The following EXOC5 variants were observed in gnomAD, a reference collection of about 807,000 sequenced individuals.
EXOC5 encodes the protein exocyst complex component 5.
EXOC5 carries 17 observed loss-of-function variants against 90.8 expected under a neutral mutation model. The observed-to-expected ratio is 0.19, with a 90% CI of 0.13 to 0.28. The LOEUF (loss-of-function observed/expected upper bound fraction) is 0.28, where lower values mean the gene tolerates loss of function less well. Among genes scored for constraint, EXOC5 ranks in the 10% least tolerant of loss-of-function variants. The probability of loss-of-function intolerance (pLI) is 1.00; values close to 1 mark genes in which losing one functional copy is unlikely to be tolerated. For missense variants in EXOC5, 569 were observed against 830.6 expected (o/e 0.69, Z 3.87); for synonymous variants, 260 against 270.0 (o/e 0.96, Z 0.36).
At chr14:57,254,921 G>C (rs558951287) in intron 1 of EXOC5, among the ~76,000 whole-genome samples, 4 of 152,282 alleles carry the variant, frequency 2.6e-5, no homozygotes, top group Non-Finnish European at 5.9e-5. Flanking sequence ...AATTTCTGTT[G>C]TTGAAGCCAT....
intron 6 of EXOC5, among the ~76,000 whole-genome samples, chr14:57,236,582 G>A (rs148506214): frequency 4.6e-5 from 7 of 152,084 alleles, no homozygotes; most frequent in African/African-American, 1.2e-4. Context: ...CACCATGTCC[G>A]GCCCTATTCA....
chr14:57,228,765 T>C (rs540906287), intron 12 of EXOC5, among the ~76,000 whole-genome samples: 2 of 150,780 alleles, frequency 1.3e-5, no homozygotes, highest in African/African-American at 4.9e-5. Context: ...AGATGAGGAG[T>C]TGATGGGTGC....
rs34662135 is a variant in EXOC5 at position 57,225,589 on chromosome 14, C to CA, written c.1297-3174dup. On this transcript the variant is annotated intron_variant, in intron 12 of 17. Transcript: ENST00000621441. The stretch of plus-strand genomic sequence containing the variant: ...TACACAGAAAAGCCAGTGGAATCTA[C>CA]AAAAAAAAAAAAAAGGCAAATAGAA... 7.8e-3 allele frequency among the ~76,000 whole-genome samples: 800 copies of CA among 102,706 alleles called. 4 individuals are homozygous for CA. Among genetic ancestry groups the CA allele is most frequent in the Middle Eastern group, 0.036 (6 of 168 alleles). 67.4% of individuals were successfully genotyped at this position (102,706 alleles called of 152,430 possible). A position where few individuals can be genotyped will look rare whatever the true frequency, so the allele number is the denominator to read the frequency against.
At chr14:57,246,903 A>G (rs1884048507) in intron 2 of EXOC5, 45 bp from the exon 3 acceptor site, 1 of 1,183,688 alleles carries the variant, frequency 8.4e-7, no homozygotes, top group Non-Finnish European at 1.2e-6. Context: ...CCTATTATTA[A>G]TCCTTAGGAA....
At chr14:57,259,434 TATCTTGTACCACCTACCC>T (rs1188439634) in intron 1 of EXOC5, among the ~76,000 whole-genome samples, 1 of 152,174 alleles carries the variant, frequency 6.6e-6, no homozygotes, top group Admixed American at 6.5e-5. Flanking sequence ...TTAGGGTTCT[TATCTTGTACCACCTACCC>T]AAATTTCTCT....
At chr14:57,215,749 T>C (rs1382729412) in intron 15 of EXOC5, among the ~76,000 whole-genome samples, 1 of 152,202 alleles carries the variant, frequency 6.6e-6, no homozygotes, top group Non-Finnish European at 1.5e-5. Context: ...CTCAAAGCTT[T>C]TCCTCTAACA....
At position 57,229,849 on chromosome 14, in the gene EXOC5, C is replaced by A; in HGVS notation, c.1181G>T (p.Arg394Leu). The change falls in exon 12 of 18, where the codon CGT becomes CTT. Residue 394 changes from arginine to leucine, a missense_variant. Arg to Leu is a moderately radical substitution (Grantham distance 102). This residue lies in a region of EXOC5 where 69 missense variants were observed against 115.5 expected (regional missense o/e 0.60). Coordinates refer to ENST00000621441, the MANE Select transcript of EXOC5 (RefSeq NM_006544.4). ...IQDLKERIRQ[R>L]TNLPLGPSID... ...ACTTGGCCCAAGTGGTAAGTTGGTA[C>A]GCTGTCTAATTCTTTCCTTCAAATC... is the stretch of plus-strand genomic sequence containing the variant. 1.3e-6 allele frequency: 2 copies of A among 1,507,786 alleles called. No individual in the cohort carries two copies. Among genetic ancestry groups the A allele is most frequent in the South Asian group, 1.3e-5 (1 of 76,764 alleles). 93.4% of individuals were successfully genotyped at this position (1,507,786 alleles called of 1,614,324 possible). A position where few individuals can be genotyped will look rare whatever the true frequency, so the allele number is the denominator to read the frequency against.
intron 4 of EXOC5, among the ~76,000 whole-genome samples, chr14:57,240,502 G>C (rs570653886): frequency 4.3e-4 from 65 of 152,032 alleles, no homozygotes; most frequent in African/African-American, 1.5e-3. Flanking sequence ...GGCTGGTCTT[G>C]AACTCCTGAC....
intron 1 of EXOC5, among the ~76,000 whole-genome samples, chr14:57,261,109 A>C (rs1884491150): frequency 6.6e-6 from 1 of 152,216 alleles, no homozygotes; most frequent in South Asian, 2.1e-4. Flanking sequence ...AGTTTTAAAA[A>C]TATATATATA....
chr14:57,261,027 GAT>G (rs1884489213), intron 1 of EXOC5, among the ~76,000 whole-genome samples: 1 of 152,108 alleles, frequency 6.6e-6, no homozygotes, highest in Non-Finnish European at 1.5e-5. Context: ...AATAAGCAAA[GAT>G]ATGTAAATAA....
chr14:57,202,275 C>A lies in EXOC5; in HGVS notation c.*6334G>T, dbSNP rs1423526385. On this transcript the variant is annotated 3_prime_UTR_variant, in exon 18 of 18. Coordinates refer to ENST00000621441, the MANE Select transcript of EXOC5 (RefSeq NM_006544.4). Reference sequence around the variant, plus strand: ...ATGAATGAGACTAGAGCCACTACAACCTAAAGCAATACATGATTTTGAACT... The same window carrying A: ...ATGAATGAGACTAGAGCCACTACAAACTAAAGCAATACATGATTTTGAACT... 2.0e-5 allele frequency: 3 copies of A among 152,082 alleles called. No homozygotes were observed. Among genetic ancestry groups the A allele is most frequent in the Non-Finnish European group, 4.4e-5 (3 of 68,016 alleles). The allele number at this position is 152,082 out of a possible 1,614,324, so 9.4% of individuals were successfully genotyped here. A position where few individuals can be genotyped will look rare whatever the true frequency, so the allele number is the denominator to read the frequency against.
At chr14:57,223,579 CAAAA>C (rs1412272656) in intron 12 of EXOC5, among the ~76,000 whole-genome samples, 2 of 151,986 alleles carry the variant, frequency 1.3e-5, no homozygotes, top group African/African-American at 4.8e-5. Context: ...CACTGATGCT[CAAAA>C]AATGCTCTTA....
At chr14:57,222,251 A>G in intron 13 of EXOC5, 57 bp downstream of exon 13, 1 of 824,356 alleles carries the variant, frequency 1.2e-6, no homozygotes, top group Non-Finnish European at 2.0e-6. Flanking sequence ...TTATGCATAT[A>G]GTTTAACCAA....
At chr14:57,235,401 A>G (rs1883625793) in intron 7 of EXOC5, among the ~76,000 whole-genome samples, 3 of 152,026 alleles carry the variant, frequency 2.0e-5, no homozygotes, top group Admixed American at 1.3e-4. Context: ...TTTCACCTAT[A>G]TTATAATATG....
chr14:57,209,661 T>G lies in EXOC5; in HGVS notation c.1844A>C (p.Tyr615Ser). Residue 615 changes from tyrosine to serine, a missense_variant, in exon 17 of 18, where the codon TAT becomes TCT. This residue lies in a region of EXOC5 where 122 missense variants were observed against 180.0 expected (regional missense o/e 0.68). Coordinates refer to ENST00000621441, the MANE Select transcript of EXOC5 (RefSeq NM_006544.4). ...GTAGGAATATTGTTGAAGATGCTCA[T>G]AGATAAGTCGATGAAAACGTACTCC... ...ELGVRFHRLI[Y>S]EHLQQYSYSC... The G allele has an allele frequency of 6.2e-7, 1 of 1,613,152 alleles. No homozygotes were observed. The highest frequency in any genetic ancestry group is 8.5e-7 in the Non-Finnish European group (1 of 1,179,332).
intron 4 of EXOC5, among the ~76,000 whole-genome samples, chr14:57,241,644 C>T (rs1426144755): frequency 6.6e-6 from 1 of 152,136 alleles, no homozygotes; most frequent in Admixed American, 6.5e-5. Flanking sequence ...ACAGATATCT[C>T]TTAAGGTTAC....
In EXOC5 at chr14:57,261,001, C is replaced by T. The variant is rs921960900; in HGVS notation, c.27+7621G>A. Among the ~76,000 whole-genome samples, 7 of 152,018 alleles carry T rather than the reference C, an allele frequency of 4.6e-5. No individual in the cohort carries two copies. The South Asian group carries it at 1.2e-3, about 27-fold the overall frequency. The stretch of plus-strand genomic sequence containing the variant: ...AAGTGAAAGAATCATTTGCTTCTTT[C>T]GTTTATTATAACTTGAATAAGCAAA... On this transcript the variant is annotated intron_variant, in intron 1 of 17. Transcript: ENST00000621441.
chr14:57,202,008 AG>A lies in EXOC5; in HGVS notation c.*6600del, dbSNP rs1489549862. ...GAGAAGCCTGGTAAATAGTACCTTA[AG>A]AAAGTGATAAAAATGAACATCATCA... On this transcript the variant is annotated 3_prime_UTR_variant, in exon 18 of 18. Transcript: ENST00000621441. 2 of 152,126 alleles carry A rather than the reference AG, an allele frequency of 1.3e-5. No individual in the cohort carries two copies. The highest frequency in any genetic ancestry group is 1.3e-4 in the Admixed American group (2 of 15,262). The allele number at this position is 152,126 out of a possible 1,614,324, so 9.4% of individuals were successfully genotyped here.
In EXOC5 at chr14:57,208,444, A is replaced by C; in HGVS notation, c.*165T>G. On this transcript the variant is annotated 3_prime_UTR_variant, in exon 18 of 18. Transcript: ENST00000621441. ...CTAGTGGTATCCAAACTTTAAATAA[A>C]ACCTCAAAGGTAAGTATGGCTGCTG... 7 of 467,904 alleles carry C rather than the reference A, an allele frequency of 1.5e-5. No individual in the cohort carries two copies. Among genetic ancestry groups the C allele is most frequent in the Non-Finnish European group, 1.5e-5 (4 of 266,104 alleles). 29.0% of individuals were successfully genotyped at this position (467,904 alleles called of 1,614,324 possible).
Sources: allele counts gnomAD v4.1 joint callset (sites outside exome capture counted in the v4.1 genomes callset), GRCh38; gene constraint gnomAD v4.1.1; regional missense constraint gnomAD v4.1.1; transcripts MANE v1.5; gene names NCBI Gene and HGNC (gene_info 2026-07-23, HGNC 2026-07-21).